The following PCDHGB5 variants were observed in gnomAD, a reference collection of about 807,000 sequenced individuals.
The protein encoded by PCDHGB5 is protocadherin gamma-B5.
Under a neutral mutation model 62.9 loss-of-function variants are expected in PCDHGB5, and 48 were observed. The observed-to-expected ratio is 0.76, with a 90% CI of 0.61 to 0.97. The LOEUF (loss-of-function observed/expected upper bound fraction) is 0.97, where lower values mean the gene tolerates loss of function less well. Among genes scored for constraint, PCDHGB5 ranks in the 50% least tolerant of loss-of-function variants. The probability of loss-of-function intolerance (pLI) is 0.00; values close to 1 mark genes in which losing one functional copy is unlikely to be tolerated. For synonymous variants in PCDHGB5, 474 were observed against 511.2 expected (o/e 0.93, Z 0.98); for missense variants, 1,118 against 1,198.6 (o/e 0.93, Z 0.99).
rs775122106 is a variant in PCDHGB5 at position 141,410,519 on chromosome 5, C to CT, written c.2397+9996dup. On this transcript the variant is annotated intron_variant, in intron 1 of 3. Coordinates refer to ENST00000617380, the MANE Select transcript of PCDHGB5 (RefSeq NM_018925.3). ...TAATTTCCTAAAATGCAGTGTGCCCCTACATTCCAATGAAGACATGGTTTG... is the reference window on the plus strand; with the variant it reads ...TAATTTCCTAAAATGCAGTGTGCCCCTTACATTCCAATGAAGACATGGTTTG... 5.9e-5 allele frequency: 95 copies of CT among 1,613,978 alleles called. 1 individual carries two copies. In the South Asian group the frequency reaches 1.0e-3, roughly 17 times the overall value.
chr5:141,473,017 A>AGAAG (rs1484773075), intron 1 of PCDHGB5, among the ~76,000 whole-genome samples: 3 of 151,764 alleles, frequency 2.0e-5, no homozygotes, highest in African/African-American at 4.8e-5. Flanking sequence ...AGAAAAAGAA[A>AGAAG]GAAGGAAGGA....
chr5:141,464,063 A>G (rs893270944), intron 1 of PCDHGB5, among the ~76,000 whole-genome samples: 2 of 152,016 alleles, frequency 1.3e-5, no homozygotes, highest in Non-Finnish European at 2.9e-5. Flanking sequence ...TCAGGAGTTC[A>G]AGGCCAGCCT....
intron 1 of PCDHGB5, among the ~76,000 whole-genome samples, chr5:141,456,381 G>T (rs1296419395): frequency 6.6e-6 from 1 of 152,110 alleles, no homozygotes; most frequent in Admixed American, 6.6e-5. Context: ...TTACAGCACC[G>T]TTTGGAGTTT....
At position 141,476,613 on chromosome 5, in the gene PCDHGB5, G is replaced by A; in HGVS notation, c.2398-18194G>A. On this transcript the variant is annotated intron_variant, in intron 1 of 3. Coordinates refer to ENST00000617380, the MANE Select transcript of PCDHGB5 (RefSeq NM_018925.3). This position sits in a 1 kb window ranked among gnomAD's most constrained non-coding sequence, Gnocchi z 7.6. ...AGCGCGCACGATCCCGATGTGGGAA[G>A]CAACTCTTTACAAACCTATGAGCTG... is the stretch of plus-strand genomic sequence containing the variant. 1 of 1,614,266 alleles carries A rather than the reference G, an allele frequency of 6.2e-7. No homozygotes were observed. The highest frequency in any genetic ancestry group is 1.3e-5 in the African/African-American group (1 of 75,078).
At position 141,491,891 on chromosome 5, in the gene PCDHGB5, G is replaced by T. The variant is rs1487484740; in HGVS notation, c.2398-2916G>T. On this transcript the variant is annotated intron_variant, in intron 1 of 3. Coordinates refer to ENST00000617380, the MANE Select transcript of PCDHGB5 (RefSeq NM_018925.3). This position sits in a 1 kb window ranked among gnomAD's most constrained non-coding sequence, Gnocchi z 6.9. ...GTGGCCGATTAAGGGATGGGGCTCC[G>T]AGCACCGGGGGTGGTGGCGACTGTG... 19 of 1,439,438 alleles carry T rather than the reference G, an allele frequency of 1.3e-5. No homozygotes were observed. The East Asian group carries it at 4.8e-4, about 36-fold the overall frequency. 89.2% of individuals were successfully genotyped at this position (1,439,438 alleles called of 1,614,324 possible). A position where few individuals can be genotyped will look rare whatever the true frequency, so the allele number is the denominator to read the frequency against.
rs979750945 is a variant in PCDHGB5 at position 141,478,807 on chromosome 5, A to G, written c.2398-16000A>G. The G allele has an allele frequency of 3.4e-6, 5 of 1,459,258 alleles. No homozygotes were observed. The African/African-American group carries it at 5.7e-5, about 17-fold the overall frequency. 90.4% of individuals were successfully genotyped at this position (1,459,258 alleles called of 1,614,324 possible). On this transcript the variant is annotated intron_variant, in intron 1 of 3. Transcript: ENST00000617380. The stretch of plus-strand genomic sequence containing the variant: ...TTCACATCCTCAGCACTCTTTTGCT[A>G]TCACAACTAACCAATCTTGCTAAGG...
Position 141,494,869 on chromosome 5 carries a change from G to A in PCDHGB5, c.2456+4G>A. 6.2e-7 allele frequency: 1 copy of A among 1,614,144 alleles called. No individual in the cohort carries two copies. Among genetic ancestry groups the A allele is most frequent in the Non-Finnish European group, 8.5e-7 (1 of 1,180,010 alleles). On this transcript the variant is annotated splice_donor_region_variant and intron_variant, in intron 2 of 3. Coordinates refer to ENST00000617380, the MANE Select transcript of PCDHGB5 (RefSeq NM_018925.3). The stretch of plus-strand genomic sequence containing the variant: ...CCCAGAGACCCGGCACCAGCGGGTA[G>A]GTGACTGATTCTCCAGCCCACCCTC...
chr5:141,453,101 T>TTTCTG (rs1554138035), intron 1 of PCDHGB5, among the ~76,000 whole-genome samples: 1 of 152,012 alleles, frequency 6.6e-6, no homozygotes, highest in Non-Finnish European at 1.5e-5. Context: ...TTCTGTTGCT[T>TTTCTG]TTTTGTTTTG....
chr5:141,430,930 G>A, intron 1 of PCDHGB5: 2 of 1,607,320 alleles, frequency 1.2e-6, no homozygotes, highest in Non-Finnish European at 1.7e-6. Context: ...TGGAGCCCCG[G>A]GAGCTCGCGG....
Position 141,505,499 on chromosome 5 carries a change from G to T in PCDHGB5, c.2545+18G>T, listed in dbSNP as rs753203943. 4.3e-6 allele frequency: 7 copies of T among 1,614,172 alleles called. No individual in the cohort carries two copies. The South Asian group carries it at 7.7e-5, about 18-fold the overall frequency. ...CGCCAGTGGTAAGTGGTGTCAGTGTGTGTATGGAAGAGTGGGAGACCTGGG... is the reference window on the plus strand; with the variant it reads ...CGCCAGTGGTAAGTGGTGTCAGTGTTTGTATGGAAGAGTGGGAGACCTGGG... On this transcript the variant is annotated intron_variant, in intron 3 of 3. Coordinates refer to ENST00000617380, the MANE Select transcript of PCDHGB5 (RefSeq NM_018925.3).
rs745334496 is a variant in PCDHGB5 at position 141,478,302 on chromosome 5, C to A, written c.2398-16505C>A. 47 of 1,613,952 alleles carry A rather than the reference C, an allele frequency of 2.9e-5. 1 individual carries two copies. In the Admixed American group the frequency reaches 7.0e-4, roughly 24 times the overall value. On this transcript the variant is annotated intron_variant, in intron 1 of 3. Transcript: ENST00000617380. ...AAGCAGTCTAGAGACCTATACCGAGCCCCGGTGAGCTCACTGTACCGAACA... is the reference window on the plus strand; with the variant it reads ...AAGCAGTCTAGAGACCTATACCGAGACCCGGTGAGCTCACTGTACCGAACA...
intron 2 of PCDHGB5, among the ~76,000 whole-genome samples, chr5:141,499,102 C>T (rs1172661012): frequency 1.3e-5 from 2 of 152,170 alleles, no homozygotes; most frequent in Admixed American, 6.5e-5. Context: ...TGCTTCTCCT[C>T]CCCACCACTA....
rs369206085 is a variant in PCDHGB5 at position 141,490,515 on chromosome 5, G to A, written c.2398-4292G>A. On this transcript the variant is annotated intron_variant, in intron 1 of 3. Transcript: ENST00000617380. The surrounding 1 kb of genome is among the most constrained non-coding windows in gnomAD (Gnocchi z 5.4). ...CATCCCACTATATCATCGAGCTGCT[G>A]GCCAGCGATGCTGGTTCACCTTCCC... The A allele has an allele frequency of 2.3e-5, 37 of 1,613,840 alleles. No individual in the cohort carries two copies. In the Middle Eastern group the frequency reaches 1.2e-3, roughly 50 times the overall value.
In PCDHGB5 at chr5:141,433,172, G is replaced by C. The variant is rs147848043; in HGVS notation, c.2397+32648G>C. 533 of 1,610,720 alleles carry C rather than the reference G, an allele frequency of 3.3e-4. 5 individuals carry two copies. In the South Asian group the frequency reaches 5.0e-3, roughly 15 times the overall value. On this transcript the variant is annotated intron_variant, in intron 1 of 3. Transcript: ENST00000617380. ...TTCGGTATTTTCTAAAGACAGTCAT[G>C]GGTTAATTGAGGTGAGTTTATATCA...
rs1229317913 is a variant in PCDHGB5 at position 141,489,752 on chromosome 5, C to T, written c.2398-5055C>T. ...GGCACCAATACTGTGAGCTTTTACACTCTAAGCCCCAACAGCCACTTCTCT... is the reference window on the plus strand; with the variant it reads ...GGCACCAATACTGTGAGCTTTTACATTCTAAGCCCCAACAGCCACTTCTCT... On this transcript the variant is annotated intron_variant, in intron 1 of 3. Transcript: ENST00000617380. The surrounding 1 kb of genome is among the most constrained non-coding windows in gnomAD (Gnocchi z 4.5). 1.2e-6 allele frequency: 2 copies of T among 1,614,018 alleles called. No individual in the cohort carries two copies. Among genetic ancestry groups the T allele is most frequent in the Non-Finnish European group, 1.7e-6 (2 of 1,179,980 alleles).
At position 141,499,506 on chromosome 5, in the gene PCDHGB5, CA is replaced by C. The variant is rs759983739; in HGVS notation, c.2456+4644del. Among the ~76,000 whole-genome samples, 6 of 152,086 alleles carry C rather than the reference CA, an allele frequency of 3.9e-5. No homozygotes were observed. The South Asian group carries it at 1.0e-3, about 26-fold the overall frequency. On this transcript the variant is annotated intron_variant, in intron 2 of 3. Coordinates refer to ENST00000617380, the MANE Select transcript of PCDHGB5 (RefSeq NM_018925.3). Reference sequence around the variant, plus strand: ...AACTACAGTTTAATATGAAACATTTCAAATATGTACAAAAGTAGAGAGAATG... The same window carrying C: ...AACTACAGTTTAATATGAAACATTTCAATATGTACAAAAGTAGAGAGAATG...
At chr5:141,503,230 G>A (rs911238781) in intron 2 of PCDHGB5, among the ~76,000 whole-genome samples, 1 of 152,006 alleles carries the variant, frequency 6.6e-6, no homozygotes, top group African/African-American at 2.4e-5. Context: ...CCGTAAAGAT[G>A]GACAGTTTCT....
chr5:141,452,278 T>C (rs1047687328), intron 1 of PCDHGB5, among the ~76,000 whole-genome samples: 1 of 152,226 alleles, frequency 6.6e-6, no homozygotes, highest in African/African-American at 2.4e-5. Context: ...AACCCTTTCT[T>C]ACTTTCTGAT....
At chr5:141,409,883 C>G (rs530193346) in intron 1 of PCDHGB5, 2 of 1,612,988 alleles carry the variant, frequency 1.2e-6, no homozygotes, top group South Asian at 2.2e-5. Context: ...CAACGCACCG[C>G]GGGTGCTGTA....
Sources: gnomAD v4.1 joint callset for allele counts (sites outside exome capture counted in the v4.1 genomes callset) on GRCh38, gnomAD v4.1.1 for gene constraint, Gnocchi (gnomAD v3.1) non-coding constraint, MANE v1.5 for transcripts, NCBI Gene and HGNC (gene_info 2026-07-23, HGNC 2026-07-21) for gene names.